Variants in PDE1C observed in about 807,000 individuals in gnomAD.
PDE1C encodes phosphodiesterase 1C, also known as dual specificity calcium/calmodulin-dependent 3',5'-cyclic nucleotide phosphodiesterase 1C.
In PDE1C, 62 loss-of-function variants were observed where a neutral mutation model predicts 93.1. That is an observed-to-expected ratio of 0.67 (90% CI 0.54 to 0.82). The LOEUF is 0.82. Among genes scored for constraint, PDE1C ranks in the 40% least tolerant of loss-of-function variants. The pLI, the probability that PDE1C is intolerant of heterozygous loss-of-function variation, is 0.00. For missense variants in PDE1C, 742 were observed against 884.6 expected (o/e 0.84, Z 2.04); for synonymous variants, 325 against 310.1 (o/e 1.05, Z -0.50).
At chr7:31,657,106 T>A in the PDE1C span, among the ~76,000 whole-genome samples, 2 of 147,374 alleles carry the variant, frequency 1.4e-5, no homozygotes, top group Non-Finnish European at 3.0e-5. Context: ...ATATATAAAA[T>A]ATATATAAAA....
the PDE1C span, among the ~76,000 whole-genome samples, chr7:31,639,194 CT>C: frequency 6.6e-6 from 1 of 152,186 alleles, no homozygotes; most frequent in African/African-American, 2.4e-5. Context: ...GCTTTCCCTC[CT>C]CTTTGGGATT....
At chr7:31,825,647 G>A (rs1418741212) in intron 12 of PDE1C, among the ~76,000 whole-genome samples, 1 of 152,092 alleles carries the variant, frequency 6.6e-6, no homozygotes, top group African/African-American at 2.4e-5. Context: ...AAGCAGGAAG[G>A]GAGAAGGATG....
chr7:32,359,946 C>G (rs1027921976), intron 1 of PDE1C, among the ~76,000 whole-genome samples: 1 of 152,202 alleles, frequency 6.6e-6, no homozygotes, highest in Non-Finnish European at 1.5e-5. Flanking sequence ...TCCATTCCTC[C>G]ATTGACTCCT....
At chr7:32,185,333 C>G (rs1216448727) in intron 2 of PDE1C, among the ~76,000 whole-genome samples, 1 of 150,980 alleles carries the variant, frequency 6.6e-6, no homozygotes, top group South Asian at 2.1e-4. Context: ...TATATTGTTA[C>G]TAGAATATAC....
At chr7:32,313,226 A>C (rs1453731452) in intron 1 of PDE1C, among the ~76,000 whole-genome samples, 4 of 152,312 alleles carry the variant, frequency 2.6e-5, no homozygotes, top group Middle Eastern at 3.4e-3. Context: ...ACCAATTAGA[A>C]TTGCGATCAT....
intron 17 of PDE1C, among the ~76,000 whole-genome samples, chr7:31,755,333 A>G (rs1794389662): frequency 6.6e-6 from 1 of 152,220 alleles, no homozygotes; most frequent in Admixed American, 6.5e-5. Context: ...TGGCATTCAC[A>G]CATATATTGT....
chr7:31,691,731 C>T, the PDE1C span, among the ~76,000 whole-genome samples: 8 of 147,146 alleles, frequency 5.4e-5, no homozygotes, highest in African/African-American at 1.3e-4. Flanking sequence ...ATGTTTCTAC[C>T]ACCATCATAA....
the PDE1C span, among the ~76,000 whole-genome samples, chr7:31,694,720 T>C: frequency 6.6e-6 from 1 of 151,798 alleles, no homozygotes; most frequent in East Asian, 1.9e-4. Flanking sequence ...ACACAAAGGA[T>C]AGAGGAGTAA....
the PDE1C span, among the ~76,000 whole-genome samples, chr7:31,689,302 G>A: frequency 1.3e-5 from 2 of 152,188 alleles, no homozygotes; most frequent in African/African-American, 2.4e-5. Context: ...CAAATGTGAA[G>A]TATTAGACAA....
At chr7:31,767,469 T>G (rs1795218710) in intron 17 of PDE1C, among the ~76,000 whole-genome samples, 5 of 152,136 alleles carry the variant, frequency 3.3e-5, no homozygotes. Context: ...AAGTGCTGGC[T>G]CCCCCTTCAC....
intron 1 of PDE1C, among the ~76,000 whole-genome samples, chr7:32,401,513 G>A (rs565976291): frequency 6.6e-6 from 1 of 151,236 alleles, no homozygotes; most frequent in African/African-American, 2.4e-5. Flanking sequence ...CTCCAGCCTG[G>A]GCAACAGAGC....
chr7:31,885,801 T>C (rs1797793476), intron 2 of PDE1C, among the ~76,000 whole-genome samples: 1 of 152,232 alleles, frequency 6.6e-6, no homozygotes, highest in Non-Finnish European at 1.5e-5. Context: ...TGCCTTATAC[T>C]GGACTAGGCA....
chr7:32,241,789 T>A (rs559362651), intron 1 of PDE1C, among the ~76,000 whole-genome samples: 2 of 152,070 alleles, frequency 1.3e-5, no homozygotes, highest in African/African-American at 4.8e-5. Context: ...ATTTCACCAG[T>A]AAGGATGCTA....
intron 1 of PDE1C, among the ~76,000 whole-genome samples, chr7:32,327,826 T>C (rs1783435681): frequency 6.6e-6 from 1 of 151,260 alleles, no homozygotes; most frequent in Non-Finnish European, 1.5e-5. Context: ...TGTGTCTGGC[T>C]TCTTTCACTC....
At chr7:31,921,742 A>C (rs1445788832) in intron 2 of PDE1C, among the ~76,000 whole-genome samples, 1 of 152,218 alleles carries the variant, frequency 6.6e-6, no homozygotes, top group Non-Finnish European at 1.5e-5. Flanking sequence ...GCATAACCAG[A>C]TATCTATTTT....
At chr7:31,882,173 A>G (rs1266023023) in intron 2 of PDE1C, among the ~76,000 whole-genome samples, 1 of 152,206 alleles carries the variant, frequency 6.6e-6, no homozygotes, top group Non-Finnish European at 1.5e-5. Flanking sequence ...AATACAAATA[A>G]CATTAGATTC....
At chr7:31,823,326 G>A (rs1190730019) in intron 13 of PDE1C, 78 bp from the exon 14 acceptor site, 1 of 1,212,158 alleles carries the variant, frequency 8.2e-7, no homozygotes, top group Non-Finnish European at 1.2e-6. Context: ...CCCAGAGGAG[G>A]AATGGTTAGC....
rs555231067 is a variant in PDE1C, at chr7:32,419,512, C to T, written c.310+8310G>A. ...CCTCATTAGTAGCTTCACAAAAATC[C>T]AGTCATCTGAGAATAAACCTGAAAT... On this transcript the variant is annotated intron_variant, in intron 1 of 1. Coordinates refer to the PDE1C transcript ENST00000672256. 3.9e-5 allele frequency among the ~76,000 whole-genome samples: 6 copies of T among 152,234 alleles called. No homozygotes were observed. In the East Asian group the frequency reaches 1.2e-3, roughly 29 times the overall value.
At chr7:31,784,661 T>C (rs1292301701) in intron 16 of PDE1C, 2 of 151,950 alleles carry the variant, frequency 1.3e-5, no homozygotes, top group African/African-American at 4.8e-5. Flanking sequence ...AGGGAAGACA[T>C]TTAAATTAGA....
Sources: gnomAD v4.1 joint callset for allele counts (sites outside exome capture counted in the v4.1 genomes callset) on GRCh38, gnomAD v4.1.1 for gene constraint, MANE v1.5 for transcripts, NCBI Gene and HGNC (gene_info 2026-07-23, HGNC 2026-07-21) for gene names.